THSD7A: variants seen among roughly 807,000 people sequenced by gnomAD.
THSD7A encodes thrombospondin type-1 domain-containing protein 7A.
Under a neutral mutation model 231.3 loss-of-function variants are expected in THSD7A, and 96 were observed. The observed-to-expected ratio is 0.41, with a 90% CI of 0.35 to 0.49. The LOEUF (loss-of-function observed/expected upper bound fraction) is 0.49. THSD7A is among the 20% of genes least tolerant of loss of function. THSD7A has a pLI of 0.05. For missense variants in THSD7A, 2,290 were observed against 2,070.2 expected, an observed-to-expected ratio of 1.11 and a Z score of -2.06; for synonymous variants, 940 against 743.3, an observed-to-expected ratio of 1.26 and a Z score of -4.30.
intron 4 of THSD7A, among the ~76,000 whole-genome samples, chr7:11,576,371 T>G (rs1431495657): frequency 1.3e-5 from 2 of 152,214 alleles, no homozygotes. Context: ...GCCATCAATT[T>G]GAGTTATTTT....
rs1047476859 is a variant in THSD7A at position 11,754,453 on chromosome 7, G to A, written c.190+77304C>T. On this transcript the variant is annotated intron_variant, in intron 1 of 27. Transcript: ENST00000423059. ...AAGCAGAGAAAATACATCCTTTTAA[G>A]CCTTAGAAAATATTATAATTGAAGA... Among the ~76,000 whole-genome samples the A allele has an allele frequency of 2.6e-5, 4 of 152,140 alleles. No homozygotes were observed. The East Asian group carries it at 7.8e-4, about 29-fold the overall frequency.
intron 1 of THSD7A, among the ~76,000 whole-genome samples, chr7:11,657,314 T>C (rs1397225014): frequency 6.6e-6 from 1 of 151,690 alleles, no homozygotes; most frequent in Admixed American, 6.6e-5. Context: ...CTTGAGGTTG[T>C]TTAGGTACAA....
chr7:11,590,715 G>T lies in THSD7A; in HGVS notation c.1272-74C>A. On this transcript the variant is annotated intron_variant, in intron 3 of 27. Coordinates refer to ENST00000423059, the MANE Select transcript of THSD7A (RefSeq NM_015204.3). The surrounding 1 kb of genome is among the most constrained non-coding windows in gnomAD (Gnocchi z 4.4). ...TGTTTCTCTACTCCTGTCATACTTTGTTTTAACGAAAATTAGTCTCAAAAT... is the reference window on the plus strand; with the variant it reads ...TGTTTCTCTACTCCTGTCATACTTTTTTTTAACGAAAATTAGTCTCAAAAT... 6.9e-7 allele frequency: 1 copy of T among 1,457,438 alleles called. No homozygotes were observed. Among genetic ancestry groups the T allele is most frequent in the Non-Finnish European group, 9.1e-7 (1 of 1,093,300 alleles). The allele number at this position is 1,457,438 out of a possible 1,614,324, so 90.3% of individuals were successfully genotyped here. A position where few individuals can be genotyped will look rare whatever the true frequency, so the allele number is the denominator to read the frequency against.
chr7:11,796,564 T>C (rs1318195665), intron 1 of THSD7A, among the ~76,000 whole-genome samples: 6 of 152,062 alleles, frequency 3.9e-5, no homozygotes, highest in Non-Finnish European at 8.8e-5. Flanking sequence ...GTTTGATGTT[T>C]TCAATAAAAT....
At chr7:11,430,224 A>C (rs1291870231) in intron 13 of THSD7A, among the ~76,000 whole-genome samples, 2 of 152,216 alleles carry the variant, frequency 1.3e-5, no homozygotes, top group Non-Finnish European at 2.9e-5. Context: ...GATATAATTC[A>C]TATTCCATAA....
chr7:11,433,554 A>G (rs547757384), intron 13 of THSD7A, among the ~76,000 whole-genome samples: 1 of 152,150 alleles, frequency 6.6e-6, no homozygotes, highest in South Asian at 2.1e-4. Flanking sequence ...CTTTGGCAAA[A>G]GAGCACTAGT....
chr7:11,427,071 C>A (rs560454255), intron 14 of THSD7A, among the ~76,000 whole-genome samples: 1 of 152,206 alleles, frequency 6.6e-6, no homozygotes, highest in African/African-American at 2.4e-5. Context: ...CGTTGATTTA[C>A]CTTAATCAGT....
intron 4 of THSD7A, among the ~76,000 whole-genome samples, chr7:11,545,746 A>T (rs1371926076): frequency 1.3e-5 from 2 of 152,136 alleles, no homozygotes; most frequent in African/African-American, 2.4e-5. Context: ...TTGCAGAGAG[A>T]GCTTATTGGA....
chr7:11,773,040 G>C (rs1033222212), intron 1 of THSD7A, among the ~76,000 whole-genome samples: 1 of 152,084 alleles, frequency 6.6e-6, no homozygotes, highest in African/African-American at 2.4e-5. Flanking sequence ...TAATGAAATA[G>C]AATGAAGAGC....
chr7:11,673,746 G>C (rs985517666), intron 1 of THSD7A, among the ~76,000 whole-genome samples: 7 of 152,132 alleles, frequency 4.6e-5, no homozygotes, highest in Admixed American at 1.3e-4. Context: ...GATAGTCAAG[G>C]CTTCTCCTCC....
intron 19 of THSD7A, chr7:11,410,506 A>G (rs962258964): frequency 2.0e-5 from 3 of 152,336 alleles, no homozygotes; most frequent in South Asian, 2.1e-4. Flanking sequence ...AGATGCATGG[A>G]GAGTCAACAT....
At chr7:11,496,523 C>T (rs1014779418) in intron 6 of THSD7A, among the ~76,000 whole-genome samples, 7 of 151,988 alleles carry the variant, frequency 4.6e-5, no homozygotes, top group Non-Finnish European at 8.8e-5. Flanking sequence ...CTGAGACATC[C>T]GTAATTTTTT....
At chr7:11,413,575 T>G (rs2115388825) in intron 17 of THSD7A, among the ~76,000 whole-genome samples, 1 of 152,254 alleles carries the variant, frequency 6.6e-6, no homozygotes, top group Middle Eastern at 3.4e-3. Flanking sequence ...TATTCCTGGG[T>G]TTTCGGGGTG....
chr7:11,558,149 C>A (rs536172144), intron 4 of THSD7A, among the ~76,000 whole-genome samples: 7 of 152,108 alleles, frequency 4.6e-5, no homozygotes, highest in Admixed American at 6.6e-5. Context: ...AAAAGAAAAC[C>A]AAGGGAACTA....
intron 2 of THSD7A, among the ~76,000 whole-genome samples, chr7:11,609,760 T>TA (rs1227702429): frequency 2.6e-5 from 4 of 152,196 alleles, no homozygotes; most frequent in African/African-American, 7.2e-5. Flanking sequence ...TCAATCTGTT[T>TA]AAAAACATAT....
intron 4 of THSD7A, among the ~76,000 whole-genome samples, chr7:11,578,419 A>G (rs189864350): frequency 6.6e-6 from 1 of 152,350 alleles, no homozygotes; most frequent in Admixed American, 6.5e-5. Flanking sequence ...GGAAGTCAAC[A>G]TCCTCTGACT....
At chr7:11,791,674 T>C (rs868770720) in intron 1 of THSD7A, among the ~76,000 whole-genome samples, 5 of 152,002 alleles carry the variant, frequency 3.3e-5, no homozygotes, top group African/African-American at 1.2e-4. Flanking sequence ...ATAACCTATC[T>C]AGTGTAGTTC....
At chr7:11,712,738 C>G in intron 1 of THSD7A, among the ~76,000 whole-genome samples, 1 of 150,986 alleles carries the variant, frequency 6.6e-6, no homozygotes, top group Non-Finnish European at 1.5e-5. Context: ...ATCTCACCTT[C>G]AAGTAACAGT....
intron 1 of THSD7A, among the ~76,000 whole-genome samples, chr7:11,797,583 AT>A (rs1197110785): frequency 6.6e-6 from 1 of 151,400 alleles, no homozygotes; most frequent in Non-Finnish European, 1.5e-5. Context: ...TGTCTGACTA[AT>A]TTTTTTAATA....
Sources: allele counts gnomAD v4.1 joint callset (sites outside exome capture counted in the v4.1 genomes callset), GRCh38; gene constraint gnomAD v4.1.1; non-coding constraint Gnocchi (gnomAD v3.1); transcripts MANE v1.5; gene names NCBI Gene and HGNC (gene_info 2026-07-23, HGNC 2026-07-21).